PLIN5: variants seen among roughly 807,000 people sequenced by gnomAD.
PLIN5 encodes perilipin 5, also known as perilipin-5.
A neutral mutation model predicts 32.8 loss-of-function variants in PLIN5; 34 were observed. That is an observed-to-expected ratio of 1.04 (90% CI 0.79 to 1.38). The LOEUF (loss-of-function observed/expected upper bound fraction) is 1.38, where lower values mean the gene tolerates loss of function less well. Among genes scored for constraint, PLIN5 ranks in the 40% most tolerant of loss-of-function variants. PLIN5 has a pLI of 0.00. For synonymous variants in PLIN5, 309 were observed against 292.9 expected, an observed-to-expected ratio of 1.05 and a Z score of -0.56; for missense variants, 712 against 660.5, an observed-to-expected ratio of 1.08 and a Z score of -0.85.
At chr19:4,531,926 G>C (rs1380633731) in intron 2 of PLIN5, 104 bp from the exon 3 acceptor site, 1 of 1,224,864 alleles carries the variant, frequency 8.2e-7, no homozygotes, top group African/African-American at 1.5e-5. Flanking sequence ...TGGGAGAGTG[G>C]AAGGATGGAG....
intron 3 of PLIN5, among the ~76,000 whole-genome samples, chr19:4,530,518 G>A (rs1976870723): frequency 6.6e-6 from 1 of 152,070 alleles, no homozygotes; most frequent in African/African-American, 2.4e-5. Context: ...CTTAGGACAG[G>A]CAGAGGCAGG....
chr19:4,533,525 G>A (rs1976911979), intron 2 of PLIN5: 2 of 193,886 alleles, frequency 1.0e-5, no homozygotes, highest in Admixed American at 5.6e-5. Flanking sequence ...TTCACTTCTG[G>A]TTCAGCTGCC....
In PLIN5 at chr19:4,523,727, T is replaced by C; in HGVS notation, c.1193A>G (p.Glu398Gly). The change falls in exon 8 of 8, where the codon GAG becomes GGG. Residue 398 changes from glutamate (E) to glycine (G), a missense_variant. By Grantham distance (98) the Glu-to-Gly change is moderately conservative. Transcript: ENST00000381848. This position sits in a 1 kb window ranked among gnomAD's most constrained non-coding sequence, Gnocchi z 5.0. ...PLPDLADLVDEVIGGPDPRWA... is the reference protein window; with the variant it reads ...PLPDLADLVDGVIGGPDPRWA... ...GCGGGGGTCAGGGCCCCCGATGACC[T>C]CGTCCACCAGGTCCGCCAGGTCGGG... 6.2e-7 allele frequency: 1 copy of C among 1,601,884 alleles called. No individual in the cohort carries two copies. The highest frequency in any genetic ancestry group is 8.5e-7 in the Non-Finnish European group (1 of 1,179,392).
chr19:4,529,372 A>T (rs1285389615), intron 4 of PLIN5, 119 bp from the exon 5 acceptor site: 1 of 1,131,176 alleles, frequency 8.8e-7, no homozygotes, highest in Non-Finnish European at 1.2e-6. Flanking sequence ...TCCGTGCCTC[A>T]GTTTCCCCTA....
intron 5 of PLIN5, chr19:4,528,822 G>A: frequency 2.5e-6 from 1 of 398,574 alleles, no homozygotes; most frequent in Non-Finnish European, 4.4e-6. Flanking sequence ...GCATTTGGGG[G>A]CCACCAGTTT....
intron 5 of PLIN5, among the ~76,000 whole-genome samples, chr19:4,528,000 C>G (rs1179473356): frequency 1.3e-5 from 2 of 151,860 alleles, no homozygotes; most frequent in African/African-American, 2.4e-5. Flanking sequence ...AGCTCCACCC[C>G]CCGGGTTCAC....
intron 3 of PLIN5, among the ~76,000 whole-genome samples, chr19:4,531,204 T>C (rs1315450972): frequency 6.6e-6 from 1 of 151,360 alleles, no homozygotes; most frequent in Non-Finnish European, 1.5e-5. Context: ...TTTCACTATG[T>C]TGTCCAGGCT....
At chr19:4,530,449 C>CCTGT (rs1385387793) in intron 3 of PLIN5, among the ~76,000 whole-genome samples, 1 of 152,166 alleles carries the variant, frequency 6.6e-6, no homozygotes, top group Non-Finnish European at 1.5e-5. Context: ...TAGTCCCCCG[C>CCTGT]CTGTCATCGG....
chr19:4,529,026 G>A (rs1976843038), intron 5 of PLIN5, 47 bp downstream of exon 5: 2 of 1,576,760 alleles, frequency 1.3e-6, no homozygotes, highest in East Asian at 4.5e-5. Flanking sequence ...ACAGGGGATG[G>A]GGACGGGGCA....
At chr19:4,530,295 C>T (rs779452709) in intron 3 of PLIN5, among the ~76,000 whole-genome samples, 6 of 152,112 alleles carry the variant, frequency 3.9e-5, no homozygotes, top group East Asian at 1.9e-4. Flanking sequence ...AGCACCAAGG[C>T]GACTTTTCAG....
chr19:4,531,314 A>T (rs12971316), intron 3 of PLIN5, among the ~76,000 whole-genome samples: 150,611 of 151,260 alleles, frequency 1, 74,983 homozygotes, highest in East Asian at 1. Flanking sequence ...TAAAAAAAAA[A>T]TTTTTTTTTT....
intron 1 of PLIN5, among the ~76,000 whole-genome samples, chr19:4,534,554 A>T (rs965437821): frequency 6.6e-6 from 1 of 152,102 alleles, no homozygotes; most frequent in Non-Finnish European, 1.5e-5. Flanking sequence ...TATTTTTAGT[A>T]GAAACCGGGT....
chr19:4,523,564 C>T lies in PLIN5; in HGVS notation c.1356G>A (p.Pro452=), dbSNP rs771298924. ...CEQEPETPSC[P]VKHTLMPELD... is the part of the protein sequence containing the mutation. ...GCTCGGGCATCAGGGTGTGCTTGAC[C>T]GGGCAGCTGGGGGTCTCGGGTTCCT... The change falls in exon 8 of 8, where the codon CCG becomes CCA. Residue 452 remains proline, a synonymous_variant. Transcript: ENST00000381848. This position sits in a 1 kb window ranked among gnomAD's most constrained non-coding sequence, Gnocchi z 5.0. 51 of 1,592,512 alleles carry T rather than the reference C, an allele frequency of 3.2e-5. No individual in the cohort carries two copies. The highest frequency in any genetic ancestry group is 2.4e-4 in the Admixed American group (14 of 58,562).
rs1223908747 is a variant in PLIN5, at chr19:4,529,833, A to G, written c.290T>C (p.Leu97Pro). 1.9e-6 allele frequency: 3 copies of G among 1,610,384 alleles called. No homozygotes were observed. In the Admixed American group the frequency reaches 5.0e-5, roughly 27 times the overall value. The change falls in exon 4 of 8, where the codon CTG becomes CCG. Residue 97 changes from leucine to proline, a missense_variant. By Grantham distance (98) the Leu-to-Pro change is moderately conservative. Transcript: ENST00000381848. The stretch of plus-strand genomic sequence containing the variant: ...GGGAAGCTTCTCTTCCAGCTTGTCC[A>G]GGCCCCTGCAGGCGAGGCTGTTCAT... Reference protein sequence around the residue: ...ATMNSLACRGLDKLEEKLPFL... With the variant: ...ATMNSLACRGPDKLEEKLPFL...
Position 4,531,836 on chromosome 19 carries a change from C to G in PLIN5, c.61-14G>C. The G allele has an allele frequency of 6.6e-7, 1 of 1,525,348 alleles. No individual in the cohort carries two copies. The highest frequency in any genetic ancestry group is 8.8e-7 in the Non-Finnish European group (1 of 1,135,570). The allele number at this position is 1,525,348 out of a possible 1,614,324, so 94.5% of individuals were successfully genotyped here. A position where few individuals can be genotyped will look rare whatever the true frequency, so the allele number is the denominator to read the frequency against. ...CTGCACCACGTTCTGCGGGAAGGGTCGGCATCAGGGGGACCCTGGGGGAAG... is the reference window on the plus strand; with the variant it reads ...CTGCACCACGTTCTGCGGGAAGGGTGGGCATCAGGGGGACCCTGGGGGAAG... On this transcript the variant is annotated splice_polypyrimidine_tract_variant and intron_variant, in intron 2 of 7. Transcript: ENST00000381848.
rs991788965 is a variant in PLIN5 at position 4,525,256 on chromosome 19, T to G, written c.721-180A>C. Reference sequence around the variant, plus strand: ...AAGGGAGGTGGGAGCCATAGAGGGCTGTGGGTAAAGAAGGGACAGACCTGA... The same window carrying G: ...AAGGGAGGTGGGAGCCATAGAGGGCGGTGGGTAAAGAAGGGACAGACCTGA... On this transcript the variant is annotated intron_variant, in intron 6 of 7. Coordinates refer to ENST00000381848, the MANE Select transcript of PLIN5 (RefSeq NM_001013706.3). This position sits in a 1 kb window ranked among gnomAD's most constrained non-coding sequence, Gnocchi z 5.6. Among the ~76,000 whole-genome samples, 1 of 152,000 alleles carries G rather than the reference T, an allele frequency of 6.6e-6. No individual in the cohort carries two copies. The highest frequency in any genetic ancestry group is 1.5e-5 in the Non-Finnish European group (1 of 67,980).
chr19:4,526,225 AT>A (rs111572176), intron 5 of PLIN5, among the ~76,000 whole-genome samples: 26 of 148,794 alleles, frequency 1.7e-4, no homozygotes, highest in Admixed American at 7.4e-4. Flanking sequence ...CTGCTTAACC[AT>A]TTTTTTTTTC....
Position 4,525,480 on chromosome 19 carries a change from C to T in PLIN5, c.720+153G>A, listed in dbSNP as rs747676508. On this transcript the variant is annotated intron_variant, in intron 6 of 7. Transcript: ENST00000381848. This position sits in a 1 kb window ranked among gnomAD's most constrained non-coding sequence, Gnocchi z 5.6. ...TGACATCCCTGGGCTCCTCCAGGCC[C>T]GGGTCCCCCAGCCCTGAACACATGC... 3.9e-5 allele frequency among the ~76,000 whole-genome samples: 6 copies of T among 152,194 alleles called. No homozygotes were observed. Among genetic ancestry groups the T allele is most frequent in the Non-Finnish European group, 7.3e-5 (5 of 68,030 alleles).
chr19:4,531,494 T>C, intron 3 of PLIN5, 133 bp downstream of exon 3: 1 of 839,274 alleles, frequency 1.2e-6, no homozygotes, highest in Non-Finnish European at 1.7e-6. Context: ...ACAGGTGGCA[T>C]GGCAGTGGGA....
Sources: gnomAD v4.1 joint callset for allele counts (sites outside exome capture counted in the v4.1 genomes callset) on GRCh38, gnomAD v4.1.1 for gene constraint, Gnocchi (gnomAD v3.1) non-coding constraint, MANE v1.5 for transcripts, NCBI Gene and HGNC (gene_info 2026-07-23, HGNC 2026-07-21) for gene names.